Variants in AATK observed in about 807,000 individuals in gnomAD.
AATK encodes the protein lemur tail kinase 1.
In AATK, 91 loss-of-function variants were observed where a neutral mutation model predicts 114.3. The ratio of observed to expected loss-of-function variants is 0.80; its 90% confidence interval spans 0.67 to 0.95. The LOEUF (loss-of-function observed/expected upper bound fraction) is 0.95. Among genes scored for constraint, AATK ranks in the 40% least tolerant of loss-of-function variants. The pLI, the probability that AATK is intolerant of heterozygous loss-of-function variation, is 0.00. For synonymous variants in AATK, 1,075 were observed against 916.5 expected (o/e 1.17, Z -3.12); for missense variants, 2,176 against 1,965.2 (o/e 1.11, Z -2.03).
At chr17:81,119,680 C>T (rs1292750597) in intron 12 of AATK, 100 bp from the exon 13 acceptor site, 21 of 815,532 alleles carry the variant, frequency 2.6e-5, no homozygotes, top group Non-Finnish European at 3.3e-5. Context: ...CCCATCATGT[C>T]ACGGGCCCAG....
chr17:81,160,023 G>T (rs1332062990), intron 1 of AATK, among the ~76,000 whole-genome samples: 1 of 152,174 alleles, frequency 6.6e-6, no homozygotes, highest in Non-Finnish European at 1.5e-5. Flanking sequence ...GCCTTGAGCA[G>T]CCCTGGCTCG....
chr17:81,144,345 C>T (rs935071572), intron 1 of AATK, among the ~76,000 whole-genome samples: 3 of 152,236 alleles, frequency 2.0e-5, no homozygotes, highest in African/African-American at 7.2e-5. Flanking sequence ...CCCACACTGC[C>T]CTCCCCATCG....
chr17:81,146,063 C>T (rs2061214492), intron 1 of AATK, among the ~76,000 whole-genome samples: 1 of 151,332 alleles, frequency 6.6e-6, no homozygotes, highest in Non-Finnish European at 1.5e-5. Context: ...GTGGCGGACA[C>T]CTGTAATCCC....
intron 1 of AATK, among the ~76,000 whole-genome samples, chr17:81,136,504 GA>G (rs2061011895): frequency 6.6e-6 from 1 of 152,084 alleles, no homozygotes; most frequent in Non-Finnish European, 1.5e-5. Context: ...CCACCTCCAG[GA>G]CCCCACCTCA....
rs2060713333 is a variant in AATK, at chr17:81,122,556, C to T, written c.1380G>A (p.Ala460=). Residue 460 remains alanine (A), a synonymous_variant, in exon 11 of 14, where the codon GCG becomes GCA. Transcript: ENST00000326724. The part of the protein sequence containing the change: ...LEQFAGDGFH[A]DGDDVLTVTE... ...TCACCGTCAGCACGTCGTCGCCGTC[C>T]GCGTGGAAGCCGTCGCCCGCGAACT... 5 of 1,473,042 alleles carry T rather than the reference C, an allele frequency of 3.4e-6. No homozygotes were observed. Among genetic ancestry groups the T allele is most frequent in the Admixed American group, 2.2e-5 (1 of 45,804 alleles). 91.2% of individuals were successfully genotyped at this position (1,473,042 alleles called of 1,614,324 possible).
intron 1 of AATK, among the ~76,000 whole-genome samples, chr17:81,137,737 A>G (rs555666264): frequency 6.6e-6 from 1 of 151,704 alleles, no homozygotes; most frequent in Non-Finnish European, 1.5e-5. Context: ...CGCGAAACAT[A>G]CATGCACACG....
chr17:81,120,282 G>T lies in AATK; in HGVS notation c.3654C>A (p.Ser1218=). The T allele has an allele frequency of 6.2e-7, 1 of 1,608,522 alleles. No homozygotes were observed. The highest frequency in any genetic ancestry group is 8.5e-7 in the Non-Finnish European group (1 of 1,177,466). ...RSLLKMPSLL[S]ETFCEDLERK... is the part of the protein sequence containing the mutation. ...GTTCCAGGTCCTCGCAGAAGGTCTCGGACAGCAGGCTGGGCATCTTGAGCA... is the reference window on the plus strand; with the variant it reads ...GTTCCAGGTCCTCGCAGAAGGTCTCTGACAGCAGGCTGGGCATCTTGAGCA... Residue 1218 remains serine, a synonymous_variant, in exon 11 of 14, where the codon TCC becomes TCA. Transcript: ENST00000326724.
In AATK at chr17:81,121,320, G is replaced by C; in HGVS notation, c.2616C>G (p.Thr872=). 6.2e-7 allele frequency: 1 copy of C among 1,611,262 alleles called. No homozygotes were observed. ...DTAEATSGIF[T]DTSSDGLQAR... ...CCTGCAGGCCGTCGCTGGACGTGTC[G>C]GTGAAGATGCCTGAGGTGGCCTCGG... Residue 872 remains threonine, a synonymous_variant, in exon 11 of 14, where the codon ACC becomes ACG. Coordinates refer to ENST00000326724, the MANE Select transcript of AATK (RefSeq NM_001080395.3).
chr17:81,145,270 G>GAAAAAAGA (rs1555598760), intron 1 of AATK, among the ~76,000 whole-genome samples: 21 of 149,544 alleles, frequency 1.4e-4, no homozygotes, highest in African/African-American at 4.9e-4. Context: ...AAAGAAAAAA[G>GAAAAAAGA]AAAAAAATAG....
intron 9 of AATK, among the ~76,000 whole-genome samples, chr17:81,123,962 C>T (rs961242204): frequency 3.3e-5 from 5 of 152,180 alleles, no homozygotes; most frequent in African/African-American, 1.2e-4. Context: ...GGCCAGAGCC[C>T]TGTGACTGGA....
chr17:81,119,470 CGGGCGTGGGCGT>C lies in AATK; in HGVS notation c.3982_3993del (p.Thr1328_Pro1331del). On this transcript the variant is annotated inframe_deletion, in exon 13 of 14. Transcript: ENST00000326724. ...GACACCGTGAAGCGCGAGAAGGGAG[CGGGCGTGGGCGT>C]GGGCGCAGCCGGGGCGGGTGCGGCC... The C allele has an allele frequency of 6.6e-7, 1 of 1,505,690 alleles. No homozygotes were observed. The highest frequency in any genetic ancestry group is 8.8e-7 in the Non-Finnish European group (1 of 1,131,116). 93.3% of individuals were successfully genotyped at this position (1,505,690 alleles called of 1,614,324 possible).
At position 81,121,030 on chromosome 17, in the gene AATK, T is replaced by A. The variant is rs1461674149; in HGVS notation, c.2906A>T (p.Glu969Val). ...TGTCTCGGGCCCGGGGCCCTCACCC[T>A]CTGAGGCCAGCTCCGCAAAGGCCTG... is the stretch of plus-strand genomic sequence containing the variant. ...EPQAFAELASEGEGPGPETRL... is the reference protein window; with the variant it reads ...EPQAFAELASVGEGPGPETRL... Residue 969 changes from glutamate to valine, a missense_variant, in exon 11 of 14, where the codon GAG becomes GTG. Physicochemically the swap from Glu to Val is moderately radical, Grantham distance 121. Coordinates refer to ENST00000326724, the MANE Select transcript of AATK (RefSeq NM_001080395.3). 3 of 1,609,714 alleles carry A rather than the reference T, an allele frequency of 1.9e-6. No individual in the cohort carries two copies. The highest frequency in any genetic ancestry group is 2.5e-6 in the Non-Finnish European group (3 of 1,178,794).
rs2060838369 is a variant in AATK at position 81,126,898 on chromosome 17, G to GC, written c.622-339dup. The GC allele has an allele frequency of 9.0e-7, 1 of 1,115,626 alleles. No individual in the cohort carries two copies. Among genetic ancestry groups the GC allele is most frequent in the South Asian group, 3.2e-5 (1 of 31,326 alleles). The allele number at this position is 1,115,626 out of a possible 1,614,324, so 69.1% of individuals were successfully genotyped here. ...GCTGGTGGTCGAGGGTTGGCCGGCA[G>GC]CCCCTGACCTGCCGAAAGCCCAGCC... On this transcript the variant is annotated intron_variant, in intron 6 of 13. Transcript: ENST00000326724. The surrounding 1 kb of genome is among the most constrained non-coding windows in gnomAD (Gnocchi z 5.1).
At chr17:81,130,932 C>T in intron 3 of AATK, 129 bp downstream of exon 3, 1 of 1,205,776 alleles carries the variant, frequency 8.3e-7, no homozygotes, top group Non-Finnish European at 1.1e-6. Context: ...GCGTCTACCC[C>T]ACAGGCCACT....
rs1202974550 is a variant in AATK, at chr17:81,166,125, C to CG, written c.-134_-133insC. 77 of 387,824 alleles carry CG rather than the reference C, an allele frequency of 2.0e-4. No homozygotes were observed. The highest frequency in any genetic ancestry group is 2.5e-4 in the Non-Finnish European group (72 of 288,906). 24.0% of individuals were successfully genotyped at this position (387,824 alleles called of 1,614,324 possible). ...GCGCCGGCCCCCGCGCCCCGCGCCC[C>CG]CCGCCGCAGCCGCAGAGCCCGCACC... On this transcript the variant is annotated 5_prime_UTR_variant, in exon 1 of 14. Transcript: ENST00000326724.
intron 13 of AATK, among the ~76,000 whole-genome samples, 166 bp downstream of exon 13, chr17:81,119,214 G>C (rs113814224): frequency 2.6e-5 from 4 of 151,996 alleles, no homozygotes; most frequent in African/African-American, 9.7e-5. Context: ...GGCCAGGCGG[G>C]GTCCAGGCTA....
intron 13 of AATK, 119 bp downstream of exon 13, chr17:81,119,261 C>CGGGGCCGGGAAGGAGCGGGGCCGGGAA (rs756765391): frequency 4.6e-4 from 503 of 1,082,318 alleles, no homozygotes; most frequent in Non-Finnish European, 5.7e-4. Flanking sequence ...CGGGAAGGAG[C>CGGGGCCGGGAAGGAGCGGGGCCGGGAA]GGAGCGGAGC....
At chr17:81,131,019 G>A (rs1398502835) in intron 3 of AATK, 42 bp downstream of exon 3, 2 of 1,536,232 alleles carry the variant, frequency 1.3e-6, no homozygotes, top group Non-Finnish European at 1.7e-6. Flanking sequence ...CAGCACCTGG[G>A]CCCCGGAGGG....
Position 81,121,874 on chromosome 17 carries a change from T to C in AATK, c.2062A>G (p.Ser688Gly). The C allele has an allele frequency of 6.3e-7, 1 of 1,598,630 alleles. No individual in the cohort carries two copies. Among genetic ancestry groups the C allele is most frequent in the South Asian group, 1.1e-5 (1 of 90,752 alleles). The change falls in exon 11 of 14, where the codon AGC (serine) becomes GGC (glycine). Residue 688 changes from serine to glycine, a missense_variant. By Grantham distance (56) the Ser-to-Gly change is moderately conservative. This residue lies in a region of AATK where 1,701 missense variants were observed against 1,394.7 expected (regional missense o/e 1.22). Transcript: ENST00000326724. ...CAGGACTCTGGACAGCGGCTGCCGCTGTTGTTGTTGGCTGACACGTTGGAG... is the reference window on the plus strand; with the variant it reads ...CAGGACTCTGGACAGCGGCTGCCGCCGTTGTTGTTGGCTGACACGTTGGAG... ...WRSNVSANNNSGSRCPESWDP... is the reference protein window; with the variant it reads ...WRSNVSANNNGGSRCPESWDP...
Sources: allele counts gnomAD v4.1 joint callset (sites outside exome capture counted in the v4.1 genomes callset), GRCh38; gene constraint gnomAD v4.1.1; regional missense constraint gnomAD v4.1.1; non-coding constraint Gnocchi (gnomAD v3.1); transcripts MANE v1.5; gene names NCBI Gene and HGNC (gene_info 2026-07-23, HGNC 2026-07-21).